RUNX1T1: variants seen among roughly 807,000 people sequenced by gnomAD.
RUNX1T1 encodes RUNX1 partner transcriptional co-repressor 1.
A neutral mutation model predicts 62.8 loss-of-function variants in RUNX1T1; 4 were observed. The ratio of observed to expected loss-of-function variants is 0.06; its 90% CI spans 0.03 to 0.15. The LOEUF (loss-of-function observed/expected upper bound fraction) is 0.15. RUNX1T1 is among the 10% of genes least tolerant of loss of function. The pLI is 1.00. For synonymous variants in RUNX1T1, 291 were observed against 286.0 expected (o/e 1.02, Z -0.18); for missense variants, 508 against 754.3 (o/e 0.67, Z 3.82).
chr8:91,999,828 G>A (rs1384806513), intron 5 of RUNX1T1, among the ~76,000 whole-genome samples: 1 of 152,084 alleles, frequency 6.6e-6, no homozygotes, highest in African/African-American at 2.4e-5. Context: ...ATAGAATTAT[G>A]GCATATAAGA....
At chr8:91,979,263 T>A (rs1327475797) in intron 8 of RUNX1T1, among the ~76,000 whole-genome samples, 1 of 152,064 alleles carries the variant, frequency 6.6e-6, no homozygotes, top group Non-Finnish European at 1.5e-5. Flanking sequence ...GAAAACTGAG[T>A]TTGAAAAACA....
intron 1 of RUNX1T1, among the ~76,000 whole-genome samples, chr8:92,093,253 A>G (rs1837303726): frequency 6.6e-6 from 1 of 152,196 alleles, no homozygotes; most frequent in African/African-American, 2.4e-5. Flanking sequence ...CATAGTCAAA[A>G]TAGATTTATA....
chr8:92,061,239 C>T (rs764671058), intron 1 of RUNX1T1, among the ~76,000 whole-genome samples: 3 of 151,990 alleles, frequency 2.0e-5, no homozygotes, highest in Non-Finnish European at 4.4e-5. Context: ...TCATTTAACA[C>T]GTTTATTAAC....
At chr8:92,038,256 C>T (rs1350821942) in intron 1 of RUNX1T1, among the ~76,000 whole-genome samples, 1 of 152,048 alleles carries the variant, frequency 6.6e-6, no homozygotes, top group Non-Finnish European at 1.5e-5. Flanking sequence ...AGTTTAATCT[C>T]TCTCCCAGAG....
intron 8 of RUNX1T1, chr8:91,979,803 G>A: frequency 1.9e-6 from 1 of 530,026 alleles, no homozygotes; most frequent in South Asian, 1.5e-5. Context: ...TTGGATACTA[G>A]ATACTGCAAG....
chr8:92,101,562 G>A (rs533672767), upstream of RUNX1T1, among the ~76,000 whole-genome samples: 18 of 152,216 alleles, frequency 1.2e-4, no homozygotes, highest in East Asian at 2.3e-3. Flanking sequence ...GGGTTTCTCC[G>A]TTACGCTTTG....
At chr8:92,041,687 A>G (rs1475425007) in intron 1 of RUNX1T1, among the ~76,000 whole-genome samples, 1 of 152,224 alleles carries the variant, frequency 6.6e-6, no homozygotes, top group Non-Finnish European at 1.5e-5. Flanking sequence ...GGTTGTAGTA[A>G]GCCGAGATCA....
At chr8:92,030,866 C>T (rs1826091095) in intron 1 of RUNX1T1, among the ~76,000 whole-genome samples, 1 of 152,206 alleles carries the variant, frequency 6.6e-6, no homozygotes, top group African/African-American at 2.4e-5. Flanking sequence ...CAGGCCTTCA[C>T]ATCTCATGCA....
At chr8:91,991,521 A>G (rs184609925) in intron 6 of RUNX1T1, 118 bp downstream of exon 7, 1 of 1,112,838 alleles carries the variant, frequency 9.0e-7, no homozygotes, top group African/African-American at 1.6e-5. Flanking sequence ...ATATAAAGCA[A>G]GATATGAGAA....
intron 1 of RUNX1T1, among the ~76,000 whole-genome samples, chr8:92,054,819 C>A (rs542975759): frequency 3.3e-5 from 5 of 152,014 alleles, no homozygotes; most frequent in African/African-American, 1.2e-4. Context: ...CATGGTGAAA[C>A]CCCCTCTCTA....
exon 11 of RUNX1T1, chr8:91,959,412 T>TTG (rs56037232): frequency 0.011 from 1,482 of 139,328 alleles, 10 homozygotes; most frequent in Non-Finnish European, 0.014. Context: ...AGTCTCTTAC[T>TTG]TGTGTGTGTG....
At chr8:91,955,777 A>G (rs1313073226), downstream of RUNX1T1, 2 of 225,644 alleles carry the variant, frequency 8.9e-6, no homozygotes, top group Non-Finnish European at 1.8e-5. Context: ...AACACAGTAT[A>G]TAAGATAATC....
upstream of RUNX1T1, among the ~76,000 whole-genome samples, chr8:92,102,434 A>G (rs1317169322): frequency 1.3e-5 from 2 of 151,884 alleles, no homozygotes; most frequent in Non-Finnish European, 2.9e-5. This position sits in a 1 kb window ranked among gnomAD's most constrained non-coding sequence, Gnocchi z 4.5. Flanking sequence ...AAAAAAAAAA[A>G]AAAGAAAGGA....
chr8:92,081,331 T>C (rs1319908105), intron 1 of RUNX1T1: 7 of 689,192 alleles, frequency 1.0e-5, no homozygotes, highest in Non-Finnish European at 1.1e-5. Flanking sequence ...TATAATTAAA[T>C]ATGAAATAAA....
chr8:92,050,724 T>C (rs1172828371), intron 1 of RUNX1T1, among the ~76,000 whole-genome samples: 1 of 152,176 alleles, frequency 6.6e-6, no homozygotes, highest in African/African-American at 2.4e-5. Flanking sequence ...CAGGGTTAGT[T>C]AGTGACTACT....
intron 1 of RUNX1T1, among the ~76,000 whole-genome samples, chr8:92,077,867 T>C (rs1187534381): frequency 6.6e-6 from 1 of 152,122 alleles, no homozygotes; most frequent in East Asian, 1.9e-4. Context: ...GTACTTAATC[T>C]TGGTTTTGAG....
chr8:91,968,852 G>A (rs1812187264), intron 10 of RUNX1T1, among the ~76,000 whole-genome samples: 1 of 152,110 alleles, frequency 6.6e-6, no homozygotes, highest in Non-Finnish European at 1.5e-5. Context: ...CCATATACTA[G>A]ACACTTCCAC....
intron 1 of RUNX1T1, among the ~76,000 whole-genome samples, chr8:92,082,464 A>G (rs1474778049): frequency 6.6e-6 from 1 of 151,402 alleles, no homozygotes; most frequent in Non-Finnish European, 1.5e-5. Flanking sequence ...AGTGACTTAC[A>G]AAATTAGCTC....
At chr8:91,999,712 C>A (rs577474103) in intron 5 of RUNX1T1, among the ~76,000 whole-genome samples, 3 of 152,020 alleles carry the variant, frequency 2.0e-5, no homozygotes, top group Non-Finnish European at 4.4e-5. Flanking sequence ...TAGCACAGGG[C>A]CCAGCATATC....
Sources: allele counts gnomAD v4.1 joint callset (sites outside exome capture counted in the v4.1 genomes callset), GRCh38; gene constraint gnomAD v4.1.1; non-coding constraint Gnocchi (gnomAD v3.1); transcripts MANE v1.5; gene names NCBI Gene and HGNC (gene_info 2026-07-23, HGNC 2026-07-21).